The following KDM1B variants were observed in gnomAD, a reference collection of about 807,000 sequenced individuals.
The protein encoded by KDM1B is lysine-specific histone demethylase 2.
A neutral mutation model predicts 107.4 loss-of-function variants in KDM1B; 63 were observed. The ratio of observed to expected loss-of-function variants is 0.59; its 90% confidence interval spans 0.48 to 0.72. The LOEUF (loss-of-function observed/expected upper bound fraction) is 0.72, where lower values mean the gene tolerates loss of function less well. KDM1B is among the 30% of genes least tolerant of loss of function. KDM1B has a pLI of 0.00. For synonymous variants in KDM1B, 363 were observed against 363.9 expected (o/e 1.00, Z 0.03); for missense variants, 749 against 1,020.8 (o/e 0.73, Z 3.63).
At chr6:18,208,607 A>T (rs13210185) in intron 17 of KDM1B, among the ~76,000 whole-genome samples, 1 of 14,342 alleles carries the variant, frequency 7.0e-5, no homozygotes, top group Middle Eastern at 0.033. Context: ...GTGTATGTAT[A>T]TATATATATA....
chr6:18,174,421 A>G (rs1243275806), intron 7 of KDM1B, among the ~76,000 whole-genome samples: 3 of 152,142 alleles, frequency 2.0e-5, no homozygotes, highest in African/African-American at 7.2e-5. Flanking sequence ...GGGTTGGTAA[A>G]TGATGGCTCA....
At position 18,207,517 on chromosome 6, in the gene KDM1B, A is replaced by T; in HGVS notation, c.1779A>T (p.Gln593His). 6.2e-7 allele frequency: 1 copy of T among 1,614,176 alleles called. No homozygotes were observed. The highest frequency in any genetic ancestry group is 8.5e-7 in the Non-Finnish European group (1 of 1,180,028). ...AACTGGCAGAAGGGCTTGACATTCA[A>T]CTCAAATCTCCAGTGAGTATCAACT... ...IEKLAEGLDI[Q>H]LKSPVQCIDY... Residue 593 changes from glutamine to histidine, a missense_variant, in exon 16 of 22, where the codon CAA (glutamine) becomes CAT (histidine). Physicochemically the swap from Gln to His is conservative, Grantham distance 24 (BLOSUM62 0). Transcript: ENST00000650836.
intron 6 of KDM1B, among the ~76,000 whole-genome samples, chr6:18,170,440 A>G (rs1250151946): frequency 2.6e-5 from 4 of 151,962 alleles, no homozygotes; most frequent in Non-Finnish European, 5.9e-5. Flanking sequence ...TTTAGTATGC[A>G]TGCTTTTTGA....
chr6:18,201,592 C>T lies in KDM1B; in HGVS notation c.1466C>T (p.Ala489Val). Residue 489 changes from alanine (A) to valine (V), a missense_variant, in exon 14 of 22, where the codon GCT becomes GTT. By Grantham distance (64) the Ala-to-Val change is moderately conservative. Transcript: ENST00000650836. The surrounding 1 kb of genome is among the most constrained non-coding windows in gnomAD (Gnocchi z 4.3). ...IDKRMDFHFN[A>V]LLDVVSEWRK... ...AAGCGCATGGATTTTCATTTTAATGCTCTCTTGGATGTTGTCTCTGAGTGG... is the reference window on the plus strand; with the variant it reads ...AAGCGCATGGATTTTCATTTTAATGTTCTCTTGGATGTTGTCTCTGAGTGG... 2 of 1,550,538 alleles carry T rather than the reference C, an allele frequency of 1.3e-6. No homozygotes were observed. Among genetic ancestry groups the T allele is most frequent in the Non-Finnish European group, 8.7e-7 (1 of 1,146,782 alleles).
intron 10 of KDM1B, among the ~76,000 whole-genome samples, chr6:18,193,853 G>A (rs1787461037): frequency 6.6e-6 from 1 of 151,540 alleles, no homozygotes; most frequent in Non-Finnish European, 1.5e-5. Context: ...TGCCAAGGCT[G>A]GGTGAGCAGA....
intron 20 of KDM1B, among the ~76,000 whole-genome samples, chr6:18,215,731 A>C: frequency 6.7e-6 from 1 of 149,004 alleles, no homozygotes; most frequent in Non-Finnish European, 1.5e-5. Context: ...CTCACATCAT[A>C]CACACTTCCC....
At chr6:18,184,410 G>C (rs1786696714) in intron 7 of KDM1B, among the ~76,000 whole-genome samples, 1 of 151,634 alleles carries the variant, frequency 6.6e-6, no homozygotes, top group East Asian at 1.9e-4. Context: ...AAGTACCTGG[G>C]ATTACAGGTG....
intron 20 of KDM1B, among the ~76,000 whole-genome samples, chr6:18,216,528 G>T (rs1432073342): frequency 6.6e-6 from 1 of 152,136 alleles, no homozygotes; most frequent in Non-Finnish European, 1.5e-5. Context: ...TTGCTTGTTG[G>T]AGGCCAGCTG....
chr6:18,221,638 T>C (rs1789753199), intron 21 of KDM1B, among the ~76,000 whole-genome samples: 1 of 152,210 alleles, frequency 6.6e-6, no homozygotes, highest in Non-Finnish European at 1.5e-5. Context: ...GACTGTGTCT[T>C]AATTGTTCTT....
chr6:18,187,631 G>C (rs761728275), intron 8 of KDM1B, among the ~76,000 whole-genome samples, 161 bp from the exon 9 acceptor site: 2 of 152,134 alleles, frequency 1.3e-5, no homozygotes, highest in Non-Finnish European at 2.9e-5. Flanking sequence ...TTCTACATCT[G>C]TGTGTGTAGA....
chr6:18,200,063 A>G lies in KDM1B; in HGVS notation c.1222-376A>G, dbSNP rs1787933782. 6.6e-6 allele frequency among the ~76,000 whole-genome samples: 1 copy of G among 152,118 alleles called. No homozygotes were observed. The highest frequency in any genetic ancestry group is 1.5e-5 in the Non-Finnish European group (1 of 68,022). On this transcript the variant is annotated intron_variant, in intron 12 of 21. Coordinates refer to ENST00000650836, the MANE Select transcript of KDM1B (RefSeq NM_001364614.2). The surrounding 1 kb of genome is among the most constrained non-coding windows in gnomAD (Gnocchi z 4.3). ...CCGACTATGTATTTCTGGTAGAGAC[A>G]GGGTTTCACCATGTTGGCCAAACTG...
In KDM1B at chr6:18,162,910, C is replaced by G; in HGVS notation, c.291C>G (p.Asp97Glu). 1 of 1,603,832 alleles carries G rather than the reference C, an allele frequency of 6.2e-7. No homozygotes were observed. The highest frequency in any genetic ancestry group is 8.5e-7 in the Non-Finnish European group (1 of 1,170,682). ...AACATTTCTGTAATGAATGCTTTGA[C>G]CATTACTACAGAAGGTATGTTCACT... ...CGEHFCNECF[D>E]HYYRSHKDGY... Residue 97 changes from aspartate to glutamate, a missense_variant, in exon 5 of 22, where the codon GAC becomes GAG. Asp to Glu is a conservative substitution (Grantham distance 45, BLOSUM62 2). Transcript: ENST00000650836. The surrounding 1 kb of genome is among the most constrained non-coding windows in gnomAD (Gnocchi z 4.1).
At chr6:18,215,505 C>G (rs1044988455) in intron 20 of KDM1B, among the ~76,000 whole-genome samples, 3 of 152,104 alleles carry the variant, frequency 2.0e-5, no homozygotes, top group African/African-American at 4.8e-5. Flanking sequence ...CTCATCTCCT[C>G]TTCTTATGAG....
At chr6:18,156,356 T>C (rs1321798291) in intron 2 of KDM1B, among the ~76,000 whole-genome samples, 1 of 152,136 alleles carries the variant, frequency 6.6e-6, no homozygotes, top group Non-Finnish European at 1.5e-5. Context: ...ACCAGCCACA[T>C]AGAAGTCCAG....
At position 18,191,253 on chromosome 6, in the gene KDM1B, G is replaced by C; in HGVS notation, c.841G>C (p.Ala281Pro). ...CTACCAGCCCAATGAGTGTGGCAAA[G>C]CCCTCTGTGTGAGGCCGGATGTGAT... ...PFYQPNECGK[A>P]LCVRPDVMEL... Residue 281 changes from alanine to proline, a missense_variant, in exon 10 of 22, where the codon GCC becomes CCC. Transcript: ENST00000650836. This position sits in a 1 kb window ranked among gnomAD's most constrained non-coding sequence, Gnocchi z 5.1. 3 of 1,550,664 alleles carry C rather than the reference G, an allele frequency of 1.9e-6. No individual in the cohort carries two copies. Among genetic ancestry groups the C allele is most frequent in the Non-Finnish European group, 2.6e-6 (3 of 1,147,000 alleles).
At chr6:18,184,861 G>A (rs1054181020) in intron 7 of KDM1B, among the ~76,000 whole-genome samples, 8 of 142,696 alleles carry the variant, frequency 5.6e-5, no homozygotes, top group South Asian at 2.3e-4. Flanking sequence ...TCAGCCTCCC[G>A]AGTAGTTGGA....
intron 16 of KDM1B, 120 bp downstream of exon 16, chr6:18,207,649 T>C: frequency 8.4e-7 from 1 of 1,185,916 alleles, no homozygotes; most frequent in Non-Finnish European, 1.2e-6. Flanking sequence ...GGTCTAGAAG[T>C]ACTTTTGTGG....
intron 6 of KDM1B, among the ~76,000 whole-genome samples, chr6:18,169,541 G>C (rs111540364): frequency 2.6e-5 from 4 of 152,158 alleles, no homozygotes; most frequent in African/African-American, 9.6e-5. Context: ...ATATATTTTG[G>C]ATACTAAACC....
intron 12 of KDM1B, among the ~76,000 whole-genome samples, chr6:18,199,272 G>A (rs1787878345): frequency 6.6e-6 from 1 of 152,082 alleles, no homozygotes. Context: ...CCTAGTTAGA[G>A]AAAGTGAAGA....
Sources: gnomAD v4.1 joint callset for allele counts (sites outside exome capture counted in the v4.1 genomes callset) on GRCh38, gnomAD v4.1.1 for gene constraint, Gnocchi (gnomAD v3.1) non-coding constraint, MANE v1.5 for transcripts, NCBI Gene and HGNC (gene_info 2026-07-23, HGNC 2026-07-21) for gene names.